Variants in RGS17 observed in about 807,000 individuals in gnomAD.
RGS17 encodes regulator of G-protein signaling 17.
In RGS17, 12 loss-of-function variants were observed where a neutral mutation model predicts 25.5. The observed-to-expected ratio is 0.47, with a 90% CI of 0.30 to 0.76. The LOEUF is 0.76. Ranked by LOEUF, RGS17 falls within the 30% of genes least tolerant of loss-of-function variation. RGS17 has a pLI of 0.07. For missense variants in RGS17, 196 were observed against 242.2 expected, an observed-to-expected ratio of 0.81 and a Z score of 1.27; for synonymous variants, 71 against 76.9, an observed-to-expected ratio of 0.92 and a Z score of 0.40.
At chr6:153,051,696 T>C (rs142436791) in intron 1 of RGS17, among the ~76,000 whole-genome samples, 1 of 152,214 alleles carries the variant, frequency 6.6e-6, no homozygotes, top group Admixed American at 6.5e-5. Context: ...TAGTAAAATG[T>C]GAGAAGAGAG....
chr6:153,054,001 C>CATATATATGTATATATGTATATAAT lies in RGS17; in HGVS notation c.-25-9959_-25-9958insATTATATACATATATACATATATAT, dbSNP rs1562321399. Among the ~76,000 whole-genome samples, 18 of 30,230 alleles carry CATATATATGTATATATGTATATAAT rather than the reference C, an allele frequency of 6.0e-4. 3 individuals carry two copies. Among genetic ancestry groups the CATATATATGTATATATGTATATAAT allele is most frequent in the Non-Finnish European group, 8.2e-4 (14 of 16,994 alleles). The allele number at this position is 30,230 out of a possible 152,430, so 19.8% of individuals were successfully genotyped here. A position where few individuals can be genotyped will look rare whatever the true frequency, so the allele number is the denominator to read the frequency against. On this transcript the variant is annotated intron_variant, in intron 1 of 4. Transcript: ENST00000206262. ...TGTATATATGTATATAATATATATA[C>CATATATATGTATATATGTATATAAT]ATATATACGTATATATGTATATAAT... is the stretch of plus-strand genomic sequence containing the variant.
At chr6:153,087,741 A>T (rs2129120855) in intron 1 of RGS17, among the ~76,000 whole-genome samples, 1 of 152,180 alleles carries the variant, frequency 6.6e-6, no homozygotes, top group East Asian at 1.9e-4. Context: ...GTGAAGAGAG[A>T]GGATACTTAA....
chr6:153,074,928 C>G (rs1200712110), intron 1 of RGS17, among the ~76,000 whole-genome samples: 1 of 152,124 alleles, frequency 6.6e-6, no homozygotes, highest in Non-Finnish European at 1.5e-5. Context: ...CTTGGCAAGG[C>G]AGGGACCATC....
At chr6:153,038,052 A>G (rs1000093101) in intron 2 of RGS17, among the ~76,000 whole-genome samples, 1 of 152,184 alleles carries the variant, frequency 6.6e-6, no homozygotes, top group African/African-American at 2.4e-5. Context: ...GCCCATCCAG[A>G]CATAGATAGT....
intron 4 of RGS17, among the ~76,000 whole-genome samples, chr6:153,014,698 T>C (rs568400702): frequency 4.6e-5 from 7 of 151,436 alleles, no homozygotes; most frequent in African/African-American, 1.7e-4. Flanking sequence ...CTTGGGAGGC[T>C]GAGGCAGGAG....
At chr6:153,101,846 C>T (rs1777308147) in intron 1 of RGS17, among the ~76,000 whole-genome samples, 1 of 152,286 alleles carries the variant, frequency 6.6e-6, no homozygotes, top group African/African-American at 2.4e-5. Context: ...TTCCCCGTCA[C>T]CTTCTGCCAT....
chr6:153,115,623 C>T (rs1486422869), intron 1 of RGS17, among the ~76,000 whole-genome samples: 3 of 152,110 alleles, frequency 2.0e-5, no homozygotes, highest in Non-Finnish European at 4.4e-5. Flanking sequence ...CCAAGACAAT[C>T]CTAAGCAAAA....
chr6:153,027,658 A>G (rs557302099), intron 2 of RGS17, among the ~76,000 whole-genome samples: 12 of 152,266 alleles, frequency 7.9e-5, no homozygotes, highest in African/African-American at 2.9e-4. Context: ...CATTTTACAG[A>G]TGAGCAAAGT....
intron 1 of RGS17, among the ~76,000 whole-genome samples, chr6:153,069,317 G>A (rs1295262917): frequency 3.3e-5 from 5 of 152,274 alleles, no homozygotes; most frequent in African/African-American, 1.2e-4. Flanking sequence ...AATGGAACTG[G>A]AGTTCATTAT....
chr6:153,048,309 A>G (rs528946465), intron 1 of RGS17, among the ~76,000 whole-genome samples: 1 of 152,276 alleles, frequency 6.6e-6, no homozygotes, highest in Non-Finnish European at 1.5e-5. Context: ...TTTCATCTGG[A>G]TGTCACATCA....
chr6:153,054,303 A>C (rs914172805), intron 1 of RGS17, among the ~76,000 whole-genome samples: 2 of 150,892 alleles, frequency 1.3e-5, no homozygotes, highest in Admixed American at 6.7e-5. Flanking sequence ...AAAATCTCTG[A>C]GATTGTTGTG....
Position 153,009,727 on chromosome 6 carries a change from G to A in RGS17, c.*1847C>T, listed in dbSNP as rs1312569543. On this transcript the variant is annotated 3_prime_UTR_variant, in exon 5 of 5. Coordinates refer to ENST00000206262, the MANE Select transcript of RGS17 (RefSeq NM_012419.5). Reference sequence around the variant, plus strand: ...TATTTAAAAGTGCTGAATATGGTAGGATAGTCAGCAACGCCAGTGTAAACA... The same window carrying A: ...TATTTAAAAGTGCTGAATATGGTAGAATAGTCAGCAACGCCAGTGTAAACA... 6.6e-6 allele frequency: 1 copy of A among 151,844 alleles called. No individual in the cohort carries two copies. 9.4% of individuals were successfully genotyped at this position (151,844 alleles called of 1,614,324 possible).
At chr6:153,022,448 T>C (rs897509758) in intron 4 of RGS17, among the ~76,000 whole-genome samples, 5 of 152,120 alleles carry the variant, frequency 3.3e-5, no homozygotes, top group African/African-American at 1.2e-4. Context: ...ATAAGGGACA[T>C]AGTATGGAGA....
chr6:153,040,973 C>T (rs952356751), intron 2 of RGS17, among the ~76,000 whole-genome samples: 4 of 132,060 alleles, frequency 3.0e-5, no homozygotes, highest in African/African-American at 1.2e-4. Flanking sequence ...GCCCAAGCAA[C>T]ATAGCAAGAT....
chr6:153,078,858 C>A (rs1036787251), intron 1 of RGS17, among the ~76,000 whole-genome samples: 8 of 151,818 alleles, frequency 5.3e-5, no homozygotes, highest in Non-Finnish European at 1.0e-4. Context: ...TCATTGCCAG[C>A]ATACAGAAAT....
chr6:153,090,409 T>C (rs895661110), intron 1 of RGS17, among the ~76,000 whole-genome samples: 1 of 150,024 alleles, frequency 6.7e-6, no homozygotes, highest in African/African-American at 2.5e-5. Context: ...GCCCAGGAGT[T>C]TGACAACAGC....
intron 1 of RGS17, among the ~76,000 whole-genome samples, chr6:153,067,420 T>C (rs113317499): frequency 3.3e-5 from 5 of 152,088 alleles, no homozygotes; most frequent in African/African-American, 9.6e-5. Context: ...AACCTAAAGA[T>C]TCCACTTAAA....
chr6:153,011,272 A>G lies in RGS17; in HGVS notation c.*302T>C, dbSNP rs1192615883. Reference sequence around the variant, plus strand: ...GCAAATGAAGCATTTTACTTTGCACATGCAGTCTCTGGAGATACACGAGGA... The same window carrying G: ...GCAAATGAAGCATTTTACTTTGCACGTGCAGTCTCTGGAGATACACGAGGA... On this transcript the variant is annotated 3_prime_UTR_variant, in exon 5 of 5. Transcript: ENST00000206262. 1.2e-5 allele frequency: 3 copies of G among 247,296 alleles called. No individual in the cohort carries two copies. Among genetic ancestry groups the G allele is most frequent in the South Asian group, 9.3e-5 (1 of 10,746 alleles). 15.3% of individuals were successfully genotyped at this position (247,296 alleles called of 1,614,324 possible).
At position 153,096,227 on chromosome 6, in the gene RGS17, G is replaced by A. The variant is rs547603678; in HGVS notation, c.-26+34897C>T. Among the ~76,000 whole-genome samples the A allele has an allele frequency of 9.2e-4, 140 of 152,188 alleles. 2 individuals are homozygous for A. Among genetic ancestry groups the A allele is most frequent in the Non-Finnish European group, 3.8e-4 (26 of 68,004 alleles). On this transcript the variant is annotated intron_variant, in intron 1 of 4. Transcript: ENST00000206262. ...GGAAGATACATCATCATCTGCAAGG[G>A]CATAATGTTAGCCAAGAGTAGCAAG...
Sources: gnomAD v4.1 joint callset for allele counts (sites outside exome capture counted in the v4.1 genomes callset) on GRCh38, gnomAD v4.1.1 for gene constraint, MANE v1.5 for transcripts, NCBI Gene and HGNC (gene_info 2026-07-23, HGNC 2026-07-21) for gene names.